ZC3H12B: variants seen among roughly 807,000 people sequenced by gnomAD.
The protein encoded by ZC3H12B is probable ribonuclease ZC3H12B.
In ZC3H12B, 7 loss-of-function variants were observed where a neutral mutation model predicts 43.9. That is an observed-to-expected ratio of 0.16 (90% CI 0.09 to 0.30). The LOEUF (loss-of-function observed/expected upper bound fraction) is 0.30. ZC3H12B is among the 10% of genes least tolerant of loss of function. ZC3H12B has a pLI of 1.00. For missense variants in ZC3H12B, 475 were observed against 670.2 expected (o/e 0.71, Z 3.22); for synonymous variants, 222 against 241.7 (o/e 0.92, Z 0.76).
At chrX:65,478,682 A>G (rs1311786354) in intron 3 of ZC3H12B, among the ~76,000 whole-genome samples, 1 of 112,291 alleles carries the variant, frequency 8.9e-6, no homozygotes, top group African/African-American at 3.2e-5. Context: ...TTGCATGCAT[A>G]CTGTGGCACA....
the ZC3H12B span, among the ~76,000 whole-genome samples, chrX:65,183,221 T>A: frequency 1.6e-4 from 18 of 111,795 alleles, no homozygotes; most frequent in Non-Finnish European, 3.8e-5. Flanking sequence ...GAAAATGGAA[T>A]TTTATGCGGC....
At chrX:65,451,156 G>A (rs2067503518) in intron 3 of ZC3H12B, among the ~76,000 whole-genome samples, 1 of 110,061 alleles carries the variant, frequency 9.1e-6, no homozygotes, top group Admixed American at 9.8e-5. Context: ...CACCGTGTTA[G>A]CCAAGCTGGT....
the ZC3H12B span, among the ~76,000 whole-genome samples, chrX:65,295,157 T>A: frequency 9.0e-6 from 1 of 111,257 alleles, no homozygotes; most frequent in African/African-American, 3.3e-5. Flanking sequence ...TTAAGTATTG[T>A]CAGACTACAG....
chrX:65,174,593 A>G, the ZC3H12B span, among the ~76,000 whole-genome samples: 1 of 112,006 alleles, frequency 8.9e-6, no homozygotes. Flanking sequence ...AGGAATCTAG[A>G]GAGGCACTGT....
chrX:65,332,131 G>A, the ZC3H12B span, among the ~76,000 whole-genome samples: 2 of 110,553 alleles, frequency 1.8e-5, no homozygotes, highest in South Asian at 3.9e-4. Flanking sequence ...GCTCTGGTTC[G>A]AATACCTCTT....
At chrX:65,102,098 G>A in the ZC3H12B span, among the ~76,000 whole-genome samples, 4 of 111,756 alleles carry the variant, frequency 3.6e-5, no homozygotes, top group Non-Finnish European at 7.5e-5. Flanking sequence ...ATCAATAAAT[G>A]TAATCCATCA....
At chrX:65,269,123 G>T in the ZC3H12B span, among the ~76,000 whole-genome samples, 3 of 111,085 alleles carry the variant, frequency 2.7e-5, no homozygotes, top group Non-Finnish European at 5.7e-5. Flanking sequence ...GAGGTGGGTG[G>T]ATCACAAGGT....
At chrX:65,281,870 G>A in the ZC3H12B span, among the ~76,000 whole-genome samples, 78 of 111,963 alleles carry the variant, frequency 7.0e-4, no homozygotes, top group African/African-American at 2.4e-3. Context: ...GAGACAATCA[G>A]CAGAGTGGAA....
At chrX:65,318,838 T>C in the ZC3H12B span, among the ~76,000 whole-genome samples, 2 of 111,463 alleles carry the variant, frequency 1.8e-5, no homozygotes, top group Admixed American at 9.5e-5. Context: ...GGGTGGACAA[T>C]GAAATTAAGG....
the ZC3H12B span, among the ~76,000 whole-genome samples, chrX:65,121,751 A>G: frequency 9.1e-6 from 1 of 110,480 alleles, no homozygotes; most frequent in African/African-American, 3.3e-5. Context: ...TAAGGTGTCA[A>G]TTTTAGATCT....
chrX:65,236,929 A>T, the ZC3H12B span, among the ~76,000 whole-genome samples: 1 of 111,561 alleles, frequency 9.0e-6, no homozygotes, highest in African/African-American at 3.3e-5. Flanking sequence ...TACCAGTACC[A>T]TGTTGTTTTG....
chrX:65,252,068 G>C, the ZC3H12B span, among the ~76,000 whole-genome samples: 1 of 111,664 alleles, frequency 9.0e-6, no homozygotes, highest in Non-Finnish European at 1.9e-5. Context: ...TATTGGCTGT[G>C]GGTTTGTCAT....
At chrX:65,470,996 A>G (rs2067904220) in intron 3 of ZC3H12B, among the ~76,000 whole-genome samples, 1 of 111,585 alleles carries the variant, frequency 9.0e-6, no homozygotes, top group Non-Finnish European at 1.9e-5. Context: ...AGAAGAATGT[A>G]TATTCTGCAG....
the ZC3H12B span, among the ~76,000 whole-genome samples, chrX:65,211,748 T>C: frequency 1.3e-4 from 11 of 85,430 alleles, no homozygotes; most frequent in African/African-American, 4.9e-4. Flanking sequence ...ATATATTATA[T>C]AATATATTAT....
the ZC3H12B span, among the ~76,000 whole-genome samples, chrX:65,244,537 G>A: frequency 9.2e-6 from 1 of 108,306 alleles, no homozygotes; most frequent in Non-Finnish European, 1.9e-5. Flanking sequence ...TTGAGCTCTG[G>A]AGTTTGAGAC....
At chrX:65,127,653 G>A in the ZC3H12B span, among the ~76,000 whole-genome samples, 1 of 111,072 alleles carries the variant, frequency 9.0e-6, no homozygotes, top group African/African-American at 3.3e-5. Context: ...TTGTGGCAGG[G>A]ATAGGTATGT....
chrX:65,064,937 C>G, the ZC3H12B span, among the ~76,000 whole-genome samples: 1 of 110,998 alleles, frequency 9.0e-6, no homozygotes, highest in South Asian at 3.8e-4. Context: ...GGTTTAAAGT[C>G]TGTTTTACAT....
chrX:65,357,427 C>T, the ZC3H12B span: 28 of 173,904 alleles, frequency 1.6e-4, no homozygotes, highest in East Asian at 4.9e-3. Context: ...CCAAATGGCA[C>T]CCACTGCCCA....
intron 3 of ZC3H12B, among the ~76,000 whole-genome samples, chrX:65,410,509 T>C (rs1209051885): frequency 9.0e-6 from 1 of 110,882 alleles, no homozygotes; most frequent in Non-Finnish European, 1.9e-5. Flanking sequence ...AAGAAAACAA[T>C]CAACAAAGTG....
Sources: allele counts gnomAD v4.1 joint callset (sites outside exome capture counted in the v4.1 genomes callset), GRCh38; gene constraint gnomAD v4.1.1; transcripts MANE v1.5; gene names NCBI Gene and HGNC (gene_info 2026-07-23, HGNC 2026-07-21).